MTAP: variants seen among roughly 807,000 people sequenced by gnomAD.
MTAP encodes the protein methylthioadenosine phosphorylase.
In MTAP, 33 loss-of-function variants were observed where a neutral mutation model predicts 33.6. That is an observed-to-expected ratio of 0.98 (90% CI 0.74 to 1.31). The LOEUF (loss-of-function observed/expected upper bound fraction) is 1.31, where lower values mean the gene tolerates loss of function less well. MTAP is among the 40% of genes most tolerant of loss of function. MTAP has a pLI of 0.00. For missense variants in MTAP, 367 were observed against 360.0 expected, an observed-to-expected ratio of 1.02 and a Z score of -0.16; for synonymous variants, 148 against 125.7, an observed-to-expected ratio of 1.18 and a Z score of -1.19.
At chr9:21,928,622 A>G (rs1417467635) in intron 1 of MTAP, among the ~76,000 whole-genome samples, 1 of 152,130 alleles carries the variant, frequency 6.6e-6, no homozygotes, top group Non-Finnish European at 1.5e-5. Context: ...TTTTTCCCCA[A>G]GTAACTTAAC....
At chr9:21,896,321 A>T (rs543521553) in intron 1 of MTAP, among the ~76,000 whole-genome samples, 1 of 152,230 alleles carries the variant, frequency 6.6e-6, no homozygotes, top group Admixed American at 6.5e-5. Flanking sequence ...CATCACAATT[A>T]AAAGAACTAG....
chr9:21,906,691 G>A (rs1008762281), intron 1 of MTAP, among the ~76,000 whole-genome samples: 1 of 152,074 alleles, frequency 6.6e-6, no homozygotes, highest in African/African-American at 2.4e-5. Flanking sequence ...CAAGCTGGAG[G>A]AATGAAATTA....
At chr9:21,878,073 G>A (rs541263324) in intron 1 of MTAP, among the ~76,000 whole-genome samples, 17 of 152,074 alleles carry the variant, frequency 1.1e-4, no homozygotes, top group Admixed American at 4.6e-4. Flanking sequence ...ATTTATTCCT[G>A]GTTCAGTCTT....
rs567253064 is a variant in MTAP, at chr9:21,912,834, A to C, written c.148-18174A>C. Among the ~76,000 whole-genome samples the C allele has an allele frequency of 3.9e-5, 6 of 152,346 alleles. No homozygotes were observed. In the South Asian group the frequency reaches 1.2e-3, roughly 32 times the overall value. On this transcript the variant is annotated intron_variant, in intron 1 of 1. Coordinates refer to the MTAP transcript ENST00000577563. Reference sequence around the variant, plus strand: ...AGGGTATTCACTTAGGAAAAGAAGAAGTCAAATTGTCCCTGTTTGCAGATA... The same window carrying C: ...AGGGTATTCACTTAGGAAAAGAAGACGTCAAATTGTCCCTGTTTGCAGATA...
intron 6 of MTAP, chr9:21,855,966 T>C (rs2118525485): frequency 6.4e-6 from 1 of 157,082 alleles, no homozygotes; most frequent in Admixed American, 6.5e-5. Flanking sequence ...GACTATTCCT[T>C]TTTCCTTCAG....
chr9:21,854,275 A>G lies in MTAP; in HGVS notation c.451-356A>G, dbSNP rs73431506. The stretch of plus-strand genomic sequence containing the variant: ...GCTTAGCCTGCGAGGTTAAAAGTTA[A>G]GACTCCAGTCTGTATTCTCAAACCA... On this transcript the variant is annotated intron_variant, in intron 5 of 7. Transcript: ENST00000644715. Among the ~76,000 whole-genome samples the G allele has an allele frequency of 3.3e-3, 496 of 152,350 alleles. 1 individual carries two copies. The highest frequency in any genetic ancestry group is 0.011 in the African/African-American group (464 of 41,588).
At chr9:21,826,672 T>C (rs1824816509) in intron 4 of MTAP, among the ~76,000 whole-genome samples, 1 of 151,034 alleles carries the variant, frequency 6.6e-6, no homozygotes, top group Non-Finnish European at 1.5e-5. Flanking sequence ...GTAATATATA[T>C]TGTTCCTTTA....
downstream of MTAP, among the ~76,000 whole-genome samples, chr9:21,870,136 A>T (rs2118637592): frequency 6.6e-6 from 1 of 152,280 alleles, no homozygotes. Flanking sequence ...TTTGCTCCAA[A>T]ATCACCTTAG....
At chr9:21,855,003 C>A in intron 6 of MTAP, 133 bp downstream of exon 6, 1 of 1,224,064 alleles carries the variant, frequency 8.2e-7, no homozygotes, top group Non-Finnish European at 1.1e-6. Context: ...TTAATATTTT[C>A]TGTAGTTCCA....
In MTAP at chr9:21,802,636, C is replaced by A; in HGVS notation, c.-113C>A. 2 of 1,219,044 alleles carry A rather than the reference C, an allele frequency of 1.6e-6. No individual in the cohort carries two copies. The highest frequency in any genetic ancestry group is 2.4e-6 in the Non-Finnish European group (2 of 848,260). The allele number at this position is 1,219,044 out of a possible 1,614,324, so 75.5% of individuals were successfully genotyped here. On this transcript the variant is annotated 5_prime_UTR_variant, in exon 1 of 8. Coordinates refer to ENST00000644715, the MANE Select transcript of MTAP (RefSeq NM_002451.4). ...GGAGGAGTCAAGGCCCGCCCCTGGT[C>A]TCCGCACTGCTCACTCCCGCGCAGT... is the stretch of plus-strand genomic sequence containing the variant.
rs78657768 is a variant in MTAP, at chr9:21,907,749, T to A, written c.148-23259T>A. Among the ~76,000 whole-genome samples the A allele has an allele frequency of 9.7e-3, 1,477 of 151,976 alleles. 18 individuals are homozygous for A. Among genetic ancestry groups the A allele is most frequent in the Middle Eastern group, 0.048 (14 of 294 alleles). ...GACATATATAAGTCACAAGAAAAAA[T>A]TTTAAATTTCCTTTACTCTTACCAC... On this transcript the variant is annotated intron_variant, in intron 1 of 1. Transcript: ENST00000577563.
chr9:21,854,749 G>A lies in MTAP; in HGVS notation c.569G>A (p.Gly190Glu), dbSNP rs143891667. The part of the protein sequence containing the change: ...RAESFMFRTW[G>E]ADVINMTTVP... ...GAAAGCTTCATGTTCCGCACCTGGG[G>A]GGCGGATGTTATCAACATGACCACA... Residue 190 changes from glycine to glutamate, a missense_variant, in exon 6 of 8, where the codon GGG (glycine) becomes GAG (glutamate). By Grantham distance (98) the Gly-to-Glu change is moderately conservative. Coordinates refer to ENST00000644715, the MANE Select transcript of MTAP (RefSeq NM_002451.4). 1.2e-6 allele frequency: 2 copies of A among 1,614,042 alleles called. No individual in the cohort carries two copies. The highest frequency in any genetic ancestry group is 2.7e-5 in the African/African-American group (2 of 74,930).
At chr9:21,852,193 A>T (rs1455286581) in intron 5 of MTAP, among the ~76,000 whole-genome samples, 1 of 152,092 alleles carries the variant, frequency 6.6e-6, no homozygotes, top group Non-Finnish European at 1.5e-5. Flanking sequence ...GAGCTAAGCT[A>T]TGGGGATGCA....
intron 1 of MTAP, among the ~76,000 whole-genome samples, chr9:21,880,310 C>A (rs773887191): frequency 6.6e-6 from 1 of 152,080 alleles, no homozygotes; most frequent in Non-Finnish European, 1.5e-5. Context: ...CTTGGACTTC[C>A]CAGCCTCCAA....
chr9:21,828,812 C>G (rs947838475), intron 4 of MTAP, among the ~76,000 whole-genome samples: 1 of 152,162 alleles, frequency 6.6e-6, no homozygotes, highest in Non-Finnish European at 1.5e-5. Flanking sequence ...ACCTGTTTCT[C>G]TTTTACTTTT....
intron 1 of MTAP, among the ~76,000 whole-genome samples, chr9:21,877,205 A>G (rs1826025024): frequency 6.6e-6 from 1 of 151,948 alleles, no homozygotes; most frequent in African/African-American, 2.4e-5. Flanking sequence ...TTGTACATTG[A>G]TTTTGTATCC....
chr9:21,940,312 T>A (rs946777793), downstream of MTAP, among the ~76,000 whole-genome samples: 1 of 152,252 alleles, frequency 6.6e-6, no homozygotes, highest in African/African-American at 2.4e-5. Context: ...CTATTCTTAC[T>A]ATACTTATGT....
intron 1 of MTAP, among the ~76,000 whole-genome samples, chr9:21,897,468 A>G (rs975221246): frequency 1.3e-5 from 2 of 152,236 alleles, no homozygotes; most frequent in African/African-American, 2.4e-5. Flanking sequence ...ACATGATTGT[A>G]TATTTAGAAA....
intron 3 of MTAP, 128 bp downstream of exon 3, chr9:21,816,900 C>A (rs1162626517): frequency 5.6e-6 from 4 of 720,458 alleles, no homozygotes; most frequent in South Asian, 2.2e-5. Context: ...TCTTAGTAAC[C>A]TTTATTTACA....
Sources: allele counts gnomAD v4.1 joint callset (sites outside exome capture counted in the v4.1 genomes callset), GRCh38; gene constraint gnomAD v4.1.1; transcripts MANE v1.5; gene names NCBI Gene and HGNC (gene_info 2026-07-23, HGNC 2026-07-21).